FKBP15: variants seen among roughly 807,000 people sequenced by gnomAD.
FKBP15 encodes the protein FKBP prolyl isomerase family member 15, also known as FK506-binding protein 15.
In FKBP15, 106 loss-of-function variants were observed where a neutral mutation model predicts 158.1. The ratio of observed to expected loss-of-function variants is 0.67; its 90% CI spans 0.57 to 0.79. FKBP15 has a LOEUF of 0.79. FKBP15 is among the 30% of genes least tolerant of loss of function. The pLI is 0.00. For synonymous variants in FKBP15, 547 were observed against 548.6 expected, an observed-to-expected ratio of 1.00 and a Z score of 0.04; for missense variants, 1,287 against 1,479.1, an observed-to-expected ratio of 0.87 and a Z score of 2.13.
rs754494163 is a variant in FKBP15 at position 113,168,506 on chromosome 9, G to C, written c.3536C>G (p.Ala1179Gly). 6.2e-7 allele frequency: 1 copy of C among 1,613,986 alleles called. No homozygotes were observed. The change falls in exon 27 of 28, where the codon GCT becomes GGT. Residue 1179 changes from alanine (A) to glycine (G), a missense_variant. Coordinates refer to ENST00000238256, the MANE Select transcript of FKBP15 (RefSeq NM_015258.2). ...DELFKGATLKALRPKAQPEEE... is the reference protein window; with the variant it reads ...DELFKGATLKGLRPKAQPEEE... ...CTCAGGCTGTGCTTTGGGCCTCAGA[G>C]CTTTCAGAGTTGCCCCTTTAAACAG...
chr9:113,166,141 GC>G lies in FKBP15; in HGVS notation c.3596del (p.Arg1199ProfsTer37), dbSNP rs1337476161. The part of the protein sequence containing the change: ...EDEDEVSMKG[R>X]PPPTPLFGDD... ...CTCCAAAAAGGGGCGTTGGGGGCGG[GC>G]GTCCCTTCATGCTCTGATAAAACAG... On this transcript the variant is annotated frameshift_variant, in exon 28 of 28. Transcript: ENST00000238256. LOFTEE classifies it high-confidence loss of function. 1 of 1,613,108 alleles carries G rather than the reference GC, an allele frequency of 6.2e-7. No homozygotes were observed. The highest frequency in any genetic ancestry group is 8.5e-7 in the Non-Finnish European group (1 of 1,179,588).
chr9:113,184,604 G>T lies in FKBP15; in HGVS notation c.1608+91C>A. ...GAAATAACCTCTCACTACTACCAATGCAGGAAATCAAAGAAGAGTTTACCT... is the reference window on the plus strand; with the variant it reads ...GAAATAACCTCTCACTACTACCAATTCAGGAAATCAAAGAAGAGTTTACCT... On this transcript the variant is annotated intron_variant, in intron 16 of 27. Coordinates refer to ENST00000238256, the MANE Select transcript of FKBP15 (RefSeq NM_015258.2). This position sits in a 1 kb window ranked among gnomAD's most constrained non-coding sequence, Gnocchi z 4.5. The T allele has an allele frequency of 9.2e-7, 1 of 1,092,000 alleles. No individual in the cohort carries two copies. The highest frequency in any genetic ancestry group is 1.4e-6 in the Non-Finnish European group (1 of 731,686). The allele number at this position is 1,092,000 out of a possible 1,614,324, so 67.6% of individuals were successfully genotyped here.
At chr9:113,167,669 C>G (rs1468100888) in intron 27 of FKBP15, among the ~76,000 whole-genome samples, 1 of 152,178 alleles carries the variant, frequency 6.6e-6, no homozygotes, top group African/African-American at 2.4e-5. Context: ...CCCATTCACC[C>G]TCATATTTCT....
rs1248613083 is a variant in FKBP15, at chr9:113,161,817, AG to A, written c.*4260del. ...GGACAGCGAGGCCCAGGGAAGGACC[AG>A]GACTTGCCAAAGTGGCTACACATAG... On this transcript the variant is annotated 3_prime_UTR_variant, in exon 28 of 28. Transcript: ENST00000238256. 8.8e-7 allele frequency: 1 copy of A among 1,137,680 alleles called. No homozygotes were observed. The highest frequency in any genetic ancestry group is 1.3e-6 in the Non-Finnish European group (1 of 772,136). 70.5% of individuals were successfully genotyped at this position (1,137,680 alleles called of 1,614,324 possible).
At chr9:113,187,506 T>C (rs1002415200) in intron 14 of FKBP15, 6 of 365,344 alleles carry the variant, frequency 1.6e-5, no homozygotes, top group African/African-American at 4.2e-5. Flanking sequence ...ATATACACGC[T>C]TCAACTGGAT....
rs1564161137 is a variant in FKBP15 at position 113,182,826 on chromosome 9, G to A, written c.1854C>T (p.Asn618=). 6.2e-7 allele frequency: 1 copy of A among 1,613,866 alleles called. No individual in the cohort carries two copies. Among genetic ancestry groups the A allele is most frequent in the Non-Finnish European group, 8.5e-7 (1 of 1,179,778 alleles). Residue 618 remains asparagine, a synonymous_variant, in exon 19 of 28, where the codon AAC becomes AAT. Coordinates refer to ENST00000238256, the MANE Select transcript of FKBP15 (RefSeq NM_015258.2). ...TGTTTTCTGTGGCTGTCTGAAGTGA[G>A]TTGTTCCTCTTCTCCATCATCAGGT... is the stretch of plus-strand genomic sequence containing the variant. ...QSNLMMEKRN[N]SLQTATENTQ...
rs1191712811 is a variant in FKBP15 at position 113,210,934 on chromosome 9, TG to T, written c.169+542del. ...GCGGTTGGCCAGAGGCTCTCAGGCC[TG>T]CAGCCACAGACTGAAGGCTGCACTG... On this transcript the variant is annotated intron_variant, in intron 2 of 27. Transcript: ENST00000238256. Among the ~76,000 whole-genome samples, 3 of 152,354 alleles carry T rather than the reference TG, an allele frequency of 2.0e-5. No homozygotes were observed. In the East Asian group the frequency reaches 5.8e-4, roughly 29 times the overall value.
Position 113,178,617 on chromosome 9 carries a change from A to G in FKBP15, c.2086+13T>C. ...AATGGCAACAATCCCAGCATCCCCC[A>G]CCTAGCACATACCTGAGAGCTTTGC... On this transcript the variant is annotated intron_variant, in intron 20 of 27. Transcript: ENST00000238256. The G allele has an allele frequency of 6.2e-7, 1 of 1,601,748 alleles. No homozygotes were observed. Among genetic ancestry groups the G allele is most frequent in the Non-Finnish European group, 8.5e-7 (1 of 1,174,700 alleles).
chr9:113,221,058 G>A (rs2118973312), intron 1 of FKBP15, 133 bp downstream of exon 1: 2 of 955,538 alleles, frequency 2.1e-6, no homozygotes, highest in Non-Finnish European at 1.5e-6. Context: ...TCTGAGAGGT[G>A]TAGAGCACCG....
intron 1 of FKBP15, among the ~76,000 whole-genome samples, chr9:113,215,648 T>A (rs1309601159): frequency 3.8e-4 from 28 of 73,052 alleles, no homozygotes; most frequent in African/African-American, 7.2e-4. Context: ...ATATATATTT[T>A]TTTTTTTTTT....
At chr9:113,203,394 AC>A (rs1387891462) in intron 4 of FKBP15, among the ~76,000 whole-genome samples, 3 of 152,204 alleles carry the variant, frequency 2.0e-5, no homozygotes, top group Non-Finnish European at 4.4e-5. Context: ...ATATGTGCCC[AC>A]GTGACCATCA....
At chr9:113,190,661 C>A in intron 11 of FKBP15, 83 bp from the exon 12 acceptor site, 1 of 960,062 alleles carries the variant, frequency 1.0e-6, no homozygotes, top group Non-Finnish European at 1.6e-6. Flanking sequence ...GCTCTTGTAT[C>A]AAATCCTTCA....
chr9:113,169,134 C>T (rs1830155317), intron 26 of FKBP15, 90 bp downstream of exon 26: 1 of 1,464,756 alleles, frequency 6.8e-7, no homozygotes, highest in Admixed American at 2.6e-5. Flanking sequence ...AAATTAGTCT[C>T]TGAGGGATGA....
Position 113,161,120 on chromosome 9 carries a change from G to T in FKBP15, c.*4958C>A, listed in dbSNP as rs1325553171. On this transcript the variant is annotated 3_prime_UTR_variant, in exon 28 of 28. Coordinates refer to ENST00000238256, the MANE Select transcript of FKBP15 (RefSeq NM_015258.2). ...AAAACCACCTGTATCCTACTTTGCT[G>T]AGATAACTATTACTCTTGTGCTATT... is the stretch of plus-strand genomic sequence containing the variant. The T allele has an allele frequency of 5.9e-6, 1 of 170,106 alleles. No homozygotes were observed. The highest frequency in any genetic ancestry group is 1.2e-5 in the Non-Finnish European group (1 of 81,074). The allele number at this position is 170,106 out of a possible 1,614,324, so 10.5% of individuals were successfully genotyped here.
At chr9:113,195,342 G>A (rs759748877) in intron 9 of FKBP15, among the ~76,000 whole-genome samples, 4 of 152,126 alleles carry the variant, frequency 2.6e-5, no homozygotes, top group Non-Finnish European at 5.9e-5. Context: ...TATGCATATC[G>A]ATTTGTCATT....
chr9:113,178,187 T>A (rs1830331152), intron 20 of FKBP15, among the ~76,000 whole-genome samples: 1 of 152,044 alleles, frequency 6.6e-6, no homozygotes, highest in Admixed American at 6.5e-5. Context: ...AGGGCCAGGA[T>A]GAACTGGACA....
intron 27 of FKBP15, among the ~76,000 whole-genome samples, chr9:113,167,877 C>CT (rs1830122714): frequency 8.6e-6 from 1 of 116,272 alleles, no homozygotes; most frequent in Non-Finnish European, 2.0e-5. Flanking sequence ...TGAAGCTATG[C>CT]TATTAATACT....
chr9:113,186,244 C>T lies in FKBP15; in HGVS notation c.1498+5G>A. ...AGATGAGAAACTGAGGGAATTACTC[C>T]CTACCTTGGAAATGGGGAGGCTGAG... On this transcript the variant is annotated splice_donor_5th_base_variant and intron_variant, in intron 15 of 27. Transcript: ENST00000238256. The T allele has an allele frequency of 6.4e-7, 1 of 1,552,954 alleles. No homozygotes were observed. Among genetic ancestry groups the T allele is most frequent in the Non-Finnish European group, 8.7e-7 (1 of 1,146,584 alleles).
chr9:113,192,380 G>C (rs1041333043), intron 11 of FKBP15, among the ~76,000 whole-genome samples: 1 of 152,160 alleles, frequency 6.6e-6, no homozygotes, highest in Non-Finnish European at 1.5e-5. Flanking sequence ...AAGGCCACAG[G>C]GCTTTAGAAT....
Sources: gnomAD v4.1 joint callset for allele counts (sites outside exome capture counted in the v4.1 genomes callset) on GRCh38, gnomAD v4.1.1 for gene constraint, Gnocchi (gnomAD v3.1) non-coding constraint, MANE v1.5 for transcripts, NCBI Gene and HGNC (gene_info 2026-07-23, HGNC 2026-07-21) for gene names.